The following NRXN3 variants were observed in gnomAD, a reference collection of about 807,000 sequenced individuals.
The protein encoded by NRXN3 is neurexin III.
In NRXN3, 32 loss-of-function variants were observed where a neutral mutation model predicts 137.6. The ratio of observed to expected loss-of-function variants is 0.23; its 90% CI spans 0.18 to 0.31. NRXN3 has a LOEUF of 0.31. Ranked by LOEUF, NRXN3 falls within the 10% of genes least tolerant of loss-of-function variation. The pLI, the probability that NRXN3 is intolerant of heterozygous loss-of-function variation, is 1.00. For synonymous variants in NRXN3, 798 were observed against 784.5 expected, an observed-to-expected ratio of 1.02 and a Z score of -0.29; for missense variants, 1,574 against 2,062.5, an observed-to-expected ratio of 0.76 and a Z score of 4.59.
At chr14:79,526,183 G>A (rs2097117998) in intron 16 of NRXN3, among the ~76,000 whole-genome samples, 1 of 152,162 alleles carries the variant, frequency 6.6e-6, no homozygotes, top group South Asian at 2.1e-4. Flanking sequence ...GAGTAGCTGG[G>A]ATTACAGGCA....
At chr14:79,195,715 C>G (rs972235163) in intron 15 of NRXN3, among the ~76,000 whole-genome samples, 4 of 152,066 alleles carry the variant, frequency 2.6e-5, no homozygotes, top group African/African-American at 9.7e-5. Context: ...TCCAAGAAGA[C>G]CCATGAAAAC....
intron 15 of NRXN3, among the ~76,000 whole-genome samples, chr14:79,076,710 T>G (rs1436311823): frequency 1.3e-5 from 2 of 152,110 alleles, no homozygotes; most frequent in Non-Finnish European, 2.9e-5. Context: ...GGGGAGGGAA[T>G]AATCAAGGGT....
At chr14:78,769,753 G>T (rs575881321) in intron 8 of NRXN3, among the ~76,000 whole-genome samples, 1 of 152,338 alleles carries the variant, frequency 6.6e-6, no homozygotes, top group East Asian at 1.9e-4. Context: ...CTAGAAAAGG[G>T]ACATATTGAT....
At chr14:78,623,443 C>G (rs1293613580) in intron 4 of NRXN3, among the ~76,000 whole-genome samples, 1 of 152,210 alleles carries the variant, frequency 6.6e-6, no homozygotes, top group African/African-American at 2.4e-5. Flanking sequence ...TCCATCACTC[C>G]CTTCCACAGA....
intron 4 of NRXN3, among the ~76,000 whole-genome samples, chr14:78,445,626 A>T (rs1375376427): frequency 6.6e-6 from 1 of 152,106 alleles, no homozygotes. Flanking sequence ...AGCATTTACC[A>T]AGTTCTAGTG....
rs536262355 is a variant in NRXN3 at position 78,445,818 on chromosome 14, T to G, written c.757+147958T>G. Among the ~76,000 whole-genome samples the G allele has an allele frequency of 8.5e-5, 13 of 152,342 alleles. No homozygotes were observed. In the South Asian group the frequency reaches 1.9e-3, roughly 22 times the overall value. The stretch of plus-strand genomic sequence containing the variant: ...CTCTTCTCAATGGAATAATAGATAC[T>G]AAATATCATATTAGGATGGGCAGGT... On this transcript the variant is annotated intron_variant, in intron 4 of 20. Coordinates refer to ENST00000335750, the MANE Select transcript of NRXN3 (RefSeq NM_001330195.2).
At chr14:79,779,194 A>G (rs2099106395) in intron 19 of NRXN3, among the ~76,000 whole-genome samples, 1 of 152,106 alleles carries the variant, frequency 6.6e-6, no homozygotes, top group African/African-American at 2.4e-5. Flanking sequence ...GCTCACCGCA[A>G]CCTCTACCTC....
chr14:79,855,045 C>T (rs1222466426), intron 20 of NRXN3, among the ~76,000 whole-genome samples: 1 of 152,130 alleles, frequency 6.6e-6, no homozygotes, highest in Non-Finnish European at 1.5e-5. Flanking sequence ...GTCTCTTCTC[C>T]TTTTCCCTTT....
intron 16 of NRXN3, among the ~76,000 whole-genome samples, chr14:79,584,204 AT>A (rs1220893481): frequency 6.6e-6 from 1 of 152,166 alleles, no homozygotes; most frequent in Non-Finnish European, 1.5e-5. Flanking sequence ...CCCAGGCCCC[AT>A]AATCTTTTAG....
At chr14:79,100,014 G>A (rs10139445) in intron 15 of NRXN3, among the ~76,000 whole-genome samples, 146,489 of 152,282 alleles carry the variant, frequency 0.96, 70,591 homozygotes, top group Middle Eastern at 0.99. Context: ...TGTTTAAGTT[G>A]ATGAATGAAA....
intron 8 of NRXN3, among the ~76,000 whole-genome samples, chr14:78,728,822 C>T (rs958725670): frequency 6.6e-6 from 1 of 152,104 alleles, no homozygotes; most frequent in Admixed American, 6.5e-5. Context: ...TCGCATGAAC[C>T]CAGGAGGCGG....
intron 10 of NRXN3, among the ~76,000 whole-genome samples, chr14:78,885,974 A>G (rs1215874025): frequency 1.3e-5 from 2 of 152,134 alleles, no homozygotes; most frequent in African/African-American, 2.4e-5. Context: ...AGCCTCTGTC[A>G]TCTTCCACAC....
chr14:78,705,390 G>T (rs1362745675), intron 6 of NRXN3, among the ~76,000 whole-genome samples: 1 of 152,164 alleles, frequency 6.6e-6, no homozygotes, highest in African/African-American at 2.4e-5. Flanking sequence ...TGTGGCTGTG[G>T]TTCTGCACAG....
chr14:79,625,907 T>G (rs984238369), intron 16 of NRXN3, among the ~76,000 whole-genome samples: 1 of 152,180 alleles, frequency 6.6e-6, no homozygotes, highest in African/African-American at 2.4e-5. Context: ...AGTTTCTTTA[T>G]CTAGAAAACA....
At chr14:79,419,744 A>T (rs1003159766) in intron 15 of NRXN3, among the ~76,000 whole-genome samples, 1 of 152,176 alleles carries the variant, frequency 6.6e-6, no homozygotes, top group African/African-American at 2.4e-5. Flanking sequence ...AAGTTACCTC[A>T]TTGACAAAAT....
intron 4 of NRXN3, among the ~76,000 whole-genome samples, chr14:78,424,823 G>T (rs892649116): frequency 6.6e-6 from 1 of 152,184 alleles, no homozygotes; most frequent in Non-Finnish European, 1.5e-5. Flanking sequence ...CATTATACAT[G>T]GAGAAACTGA....
chr14:78,318,386 C>T (rs2078951874), intron 4 of NRXN3, among the ~76,000 whole-genome samples: 2 of 152,148 alleles, frequency 1.3e-5, no homozygotes, highest in African/African-American at 4.8e-5. Flanking sequence ...TGATCTCAGG[C>T]CTCCACTTAG....
chr14:79,857,493 A>T (rs2099405331), intron 20 of NRXN3, among the ~76,000 whole-genome samples: 1 of 152,160 alleles, frequency 6.6e-6, no homozygotes, highest in South Asian at 2.1e-4. Flanking sequence ...AAGTGCTGGG[A>T]TTACAGGCGT....
chr14:79,374,415 T>A (rs11159404), intron 15 of NRXN3, among the ~76,000 whole-genome samples: 4 of 151,682 alleles, frequency 2.6e-5, no homozygotes, highest in Admixed American at 1.3e-4. Context: ...TAAGATTAAC[T>A]AAAGGGACTC....
Sources: gnomAD v4.1 joint callset for allele counts (sites outside exome capture counted in the v4.1 genomes callset) on GRCh38, gnomAD v4.1.1 for gene constraint, MANE v1.5 for transcripts, NCBI Gene and HGNC (gene_info 2026-07-23, HGNC 2026-07-21) for gene names.